Variants in PPIP5K2 observed in about 807,000 individuals in gnomAD.
PPIP5K2 encodes inositol hexakisphosphate and diphosphoinositol-pentakisphosphate kinase 2.
In PPIP5K2, 105 loss-of-function variants were observed where a neutral mutation model predicts 154.6. The observed-to-expected ratio is 0.68, with a 90% CI of 0.58 to 0.80. The LOEUF (loss-of-function observed/expected upper bound fraction) is 0.80. PPIP5K2 is among the 30% of genes least tolerant of loss of function. The pLI is 0.00. For missense variants in PPIP5K2, 992 were observed against 1,504.6 expected (o/e 0.66, Z 5.64); for synonymous variants, 480 against 490.3 (o/e 0.98, Z 0.28).
At chr5:103,133,765 C>G in intron 3 of PPIP5K2, 117 bp downstream of exon 3, 1 of 755,696 alleles carries the variant, frequency 1.3e-6, no homozygotes. Flanking sequence ...CTTTCATGGA[C>G]AGGTAATATT....
In PPIP5K2 at chr5:103,168,124, C is replaced by T; in HGVS notation, c.2115C>T (p.Ser705=). The T allele has an allele frequency of 1.9e-6, 3 of 1,610,134 alleles. No individual in the cohort carries two copies. The highest frequency in any genetic ancestry group is 2.5e-6 in the Non-Finnish European group (3 of 1,177,452). The change falls in exon 19 of 31, where the codon TCC becomes TCT. Residue 705 remains serine (S), a synonymous_variant. Transcript: ENST00000358359. Reference sequence around the variant, plus strand: ...TGGAGCTTATGCTACGTAGATGGTCCAAGTTAGAGAAAGACTTTAAAACAA... The same window carrying T: ...TGGAGCTTATGCTACGTAGATGGTCTAAGTTAGAGAAAGACTTTAAAACAA... ...ETLELMLRRW[S]KLEKDFKTKN... is the part of the protein sequence containing the mutation.
At chr5:103,152,794 A>G (rs782371947) in intron 10 of PPIP5K2, 45 bp downstream of exon 10, 9 of 1,276,346 alleles carry the variant, frequency 7.1e-6, no homozygotes, top group South Asian at 1.2e-5. Context: ...TTTCCTTGCC[A>G]TCTGTGCTAT....
chr5:103,183,322 G>A lies in PPIP5K2; in HGVS notation c.3011G>A (p.Arg1004His), dbSNP rs1177718683. Residue 1004 changes from arginine (R) to histidine (H), a missense_variant, in exon 25 of 31, where the codon CGC (arginine) becomes CAC (histidine). Coordinates refer to ENST00000358359, the MANE Select transcript of PPIP5K2 (RefSeq NM_001276277.3). ...GGTGTGGGTACTGGGCGTCGAAGACGCAGATCAGGGGAACAAATCACTTCT... is the reference window on the plus strand; with the variant it reads ...GGTGTGGGTACTGGGCGTCGAAGACACAGATCAGGGGAACAAATCACTTCT... ...TSGVGTGRRR[R>H]RSGEQITSSP... The A allele has an allele frequency of 3.1e-6, 5 of 1,605,704 alleles. No homozygotes were observed. Among genetic ancestry groups the A allele is most frequent in the East Asian group, 2.3e-5 (1 of 43,992 alleles).
rs1580402541 is a variant in PPIP5K2, at chr5:103,183,309, G to A, written c.2998G>A (p.Gly1000Arg). 1.9e-6 allele frequency: 3 copies of A among 1,603,400 alleles called. No homozygotes were observed. The highest frequency in any genetic ancestry group is 4.6e-5 in the East Asian group (2 of 43,724). Residue 1000 changes from glycine to arginine, a missense_variant, in exon 25 of 31, where the codon GGG (glycine) becomes AGG (arginine). By Grantham distance (125) the Gly-to-Arg change is moderately radical. Around this residue, in one of 9 missense-constraint regions of PPIP5K2, gnomAD observed 204 missense variants for 224.0 expected, o/e 0.91. Transcript: ENST00000358359. ...WLHYTSGVGT[G>R]RRRRRSGEQI... ...GCATTATACCAGTGGTGTGGGTACT[G>A]GGCGTCGAAGACGCAGATCAGGGGA...
At position 103,212,253 on chromosome 5, in the gene PPIP5K2, T is replaced by TGG. The variant is rs1803846375; in HGVS notation, c.*10620_*10621insGG. The TGG allele has an allele frequency of 6.6e-6, 1 of 152,532 alleles. No individual in the cohort carries two copies. Among genetic ancestry groups the TGG allele is most frequent in the Admixed American group, 6.6e-5 (1 of 15,264 alleles). 9.4% of individuals were successfully genotyped at this position (152,532 alleles called of 1,614,324 possible). A position where few individuals can be genotyped will look rare whatever the true frequency, so the allele number is the denominator to read the frequency against. On this transcript the variant is annotated 3_prime_UTR_variant, in exon 31 of 31. Coordinates refer to ENST00000358359, the MANE Select transcript of PPIP5K2 (RefSeq NM_001276277.3). ...CTATAGGTCCATAAAAGAAATAAAA[T>TGG]GCCAAAACATACCATGAGGACACTT...
chr5:103,177,944 G>C lies in PPIP5K2; in HGVS notation c.2718G>C (p.Leu906Phe), dbSNP rs1311015794. 6.2e-7 allele frequency: 1 copy of C among 1,612,370 alleles called. No homozygotes were observed. The highest frequency in any genetic ancestry group is 8.5e-7 in the Non-Finnish European group (1 of 1,178,684). Reference sequence around the variant, plus strand: ...AAGGTTGTGAAGAAGACAAAAATTTGCCATCTGGCTATGGATATAGACCAG... The same window carrying C: ...AAGGTTGTGAAGAAGACAAAAATTTCCCATCTGGCTATGGATATAGACCAG... ...GAKGCEEDKN[L>F]PSGYGYRPAS... The change falls in exon 23 of 31, where the codon TTG becomes TTC. Residue 906 changes from leucine to phenylalanine, a missense_variant. This residue lies in a region of PPIP5K2 where 157 missense variants were observed against 281.2 expected (regional missense o/e 0.56). Transcript: ENST00000358359.
chr5:103,178,320 C>T (rs935666878), intron 23 of PPIP5K2, among the ~76,000 whole-genome samples: 40 of 151,946 alleles, frequency 2.6e-4, no homozygotes, highest in Middle Eastern at 6.8e-3. Context: ...AACTAAACCC[C>T]AGTATCATAG....
chr5:103,198,674 G>T (rs1554229344), intron 30 of PPIP5K2, among the ~76,000 whole-genome samples: 1 of 151,948 alleles, frequency 6.6e-6, no homozygotes, highest in African/African-American at 2.4e-5. Context: ...TTCCAGTAAT[G>T]TTTTGTTTTA....
chr5:103,160,218 A>G (rs782644864), intron 17 of PPIP5K2, among the ~76,000 whole-genome samples: 7 of 152,204 alleles, frequency 4.6e-5, no homozygotes, highest in Non-Finnish European at 8.8e-5. Flanking sequence ...GAACAGTGTT[A>G]CAATAAAAAT....
intron 30 of PPIP5K2, among the ~76,000 whole-genome samples, chr5:103,198,435 T>C (rs1802460681): frequency 2.6e-5 from 4 of 152,186 alleles, no homozygotes; most frequent in Admixed American, 6.5e-5. Context: ...GTCTTTACTA[T>C]TTGGTTTTTC....
intron 14 of PPIP5K2, among the ~76,000 whole-genome samples, chr5:103,157,701 CA>C (rs200006175): frequency 4.0e-4 from 54 of 133,580 alleles, no homozygotes; most frequent in East Asian, 6.3e-4. Context: ...GACTCTGTCT[CA>C]AAAAAAAAAA....
At chr5:103,190,506 C>T (rs568745307) in intron 28 of PPIP5K2, among the ~76,000 whole-genome samples, 2 of 151,958 alleles carry the variant, frequency 1.3e-5, no homozygotes, top group South Asian at 4.1e-4. Flanking sequence ...ATTGAATAGA[C>T]CTGACTTCAA....
intron 21 of PPIP5K2, among the ~76,000 whole-genome samples, chr5:103,175,880 A>G (rs1798626307): frequency 6.6e-6 from 1 of 152,078 alleles, no homozygotes; most frequent in Non-Finnish European, 1.5e-5. Flanking sequence ...TTCCAGGGGG[A>G]AAAATAATTA....
At position 103,160,480 on chromosome 5, in the gene PPIP5K2, A is replaced by G. The variant is rs372234257; in HGVS notation, c.1920+1152A>G. Among the ~76,000 whole-genome samples, 6 of 152,140 alleles carry G rather than the reference A, an allele frequency of 3.9e-5. No individual in the cohort carries two copies. The East Asian group carries it at 5.8e-4, about 15-fold the overall frequency. On this transcript the variant is annotated intron_variant, in intron 17 of 30. Coordinates refer to ENST00000358359, the MANE Select transcript of PPIP5K2 (RefSeq NM_001276277.3). ...AATTCAACCATATTAAGTAATGGTC[A>G]TAGTTAGTTAATAATCATTGCTGTG...
chr5:103,180,888 G>A (rs1470452690), intron 24 of PPIP5K2, among the ~76,000 whole-genome samples: 3 of 89,912 alleles, frequency 3.3e-5, no homozygotes, highest in Non-Finnish European at 9.1e-5. Flanking sequence ...TGCTGGAGAT[G>A]CTTTAGCAAT....
At chr5:103,123,946 C>A (rs1789195403) in intron 1 of PPIP5K2, among the ~76,000 whole-genome samples, 1 of 152,094 alleles carries the variant, frequency 6.6e-6, no homozygotes, top group African/African-American at 2.4e-5. Flanking sequence ...TGAAATAATA[C>A]AAACCATTTT....
chr5:103,162,088 G>C (rs1395756051), intron 17 of PPIP5K2, among the ~76,000 whole-genome samples: 1 of 151,974 alleles, frequency 6.6e-6, no homozygotes, highest in East Asian at 1.9e-4. Flanking sequence ...TCCATTCTTG[G>C]GATTCTCAGA....
rs150914083 is a variant in PPIP5K2, at chr5:103,174,664, A to G, written c.2529+692A>G. Among the ~76,000 whole-genome samples, 292 of 152,136 alleles carry G rather than the reference A, an allele frequency of 1.9e-3. 5 individuals carry two copies. Among genetic ancestry groups the G allele is most frequent in the East Asian group, 7.7e-3 (40 of 5,164 alleles). On this transcript the variant is annotated intron_variant, in intron 21 of 30. Transcript: ENST00000358359. ...TCCTATGAGAGCAAGGTGCAAGTGC[A>G]TGGCATTTTTATGACCTAACTTCTA... is the stretch of plus-strand genomic sequence containing the variant.
In PPIP5K2 at chr5:103,177,719, A is replaced by C; in HGVS notation, c.2582A>C (p.Asn861Thr). 1 of 1,612,288 alleles carries C rather than the reference A, an allele frequency of 6.2e-7. No homozygotes were observed. The highest frequency in any genetic ancestry group is 8.5e-7 in the Non-Finnish European group (1 of 1,179,126). The change falls in exon 22 of 31, where the codon AAT (asparagine) becomes ACT (threonine). Residue 861 changes from asparagine (N) to threonine (T), a missense_variant. Physicochemically the swap from Asn to Thr is moderately conservative, Grantham distance 65. Around this residue, in one of 9 missense-constraint regions of PPIP5K2, gnomAD observed 157 missense variants for 281.2 expected, o/e 0.56. Coordinates refer to ENST00000358359, the MANE Select transcript of PPIP5K2 (RefSeq NM_001276277.3). ...GCTATGGATTATTTAAACGTTGTCA[A>C]TGAGCTCAACTACATGACTCAGATT... ...KRAMDYLNVV[N>T]ELNYMTQIVI...
Sources: allele counts gnomAD v4.1 joint callset (sites outside exome capture counted in the v4.1 genomes callset), GRCh38; gene constraint gnomAD v4.1.1; regional missense constraint gnomAD v4.1.1; transcripts MANE v1.5; gene names NCBI Gene and HGNC (gene_info 2026-07-23, HGNC 2026-07-21).